Variants in MYO5B observed in about 807,000 individuals in gnomAD.
MYO5B encodes unconventional myosin-Vb.
In MYO5B, 143 loss-of-function variants were observed where a neutral mutation model predicts 229.3. That is an observed-to-expected ratio of 0.62 (90% CI 0.54 to 0.72). MYO5B has a LOEUF of 0.72. Ranked by LOEUF, MYO5B falls within the 30% of genes least tolerant of loss-of-function variation. MYO5B has a pLI of 0.00. For missense variants in MYO5B, 2,321 were observed against 2,331.0 expected (o/e 1.00, Z 0.09); for synonymous variants, 918 against 885.2 (o/e 1.04, Z -0.66).
At chr18:50,130,069 G>A (rs2032229869) in intron 1 of MYO5B, among the ~76,000 whole-genome samples, 1 of 152,138 alleles carries the variant, frequency 6.6e-6, no homozygotes, top group East Asian at 1.9e-4. Flanking sequence ...CACTGAATTA[G>A]CTCCTCAAAA....
intron 16 of MYO5B, among the ~76,000 whole-genome samples, chr18:49,936,034 G>C (rs907836368): frequency 6.6e-6 from 1 of 152,220 alleles, no homozygotes; most frequent in African/African-American, 2.4e-5. Context: ...ACTATACGGG[G>C]AACGGCATTT....
intron 17 of MYO5B, among the ~76,000 whole-genome samples, chr18:49,926,591 C>T (rs1305355802): frequency 6.6e-6 from 1 of 152,222 alleles, no homozygotes; most frequent in African/African-American, 2.4e-5. Context: ...GGTCACCAGC[C>T]ACCCTTCACC....
chr18:50,131,854 C>T (rs2032258821), intron 1 of MYO5B, among the ~76,000 whole-genome samples: 1 of 152,230 alleles, frequency 6.6e-6, no homozygotes. Context: ...ACACACTCTG[C>T]ATGAACTATG....
chr18:50,167,196 T>C (rs1425989488), intron 1 of MYO5B, among the ~76,000 whole-genome samples: 1 of 152,254 alleles, frequency 6.6e-6, no homozygotes, highest in Non-Finnish European at 1.5e-5. Flanking sequence ...TGCTGTATAT[T>C]GCAGAAGGCT....
intron 1 of MYO5B, among the ~76,000 whole-genome samples, chr18:50,115,429 C>T (rs1244111725): frequency 6.6e-6 from 1 of 152,120 alleles, no homozygotes; most frequent in East Asian, 1.9e-4. Flanking sequence ...GCAGAACTTG[C>T]ATTCCTCACT....
intron 27 of MYO5B, among the ~76,000 whole-genome samples, chr18:49,868,673 C>T (rs937340853): frequency 6.6e-6 from 1 of 152,222 alleles, no homozygotes; most frequent in Non-Finnish European, 1.5e-5. Context: ...GCCACCCTTC[C>T]TGCCCTCACC....
At chr18:50,172,433 T>C (rs905299684) in intron 1 of MYO5B, among the ~76,000 whole-genome samples, 2 of 152,164 alleles carry the variant, frequency 1.3e-5, no homozygotes, top group Middle Eastern at 3.2e-3. Flanking sequence ...TCCCAGTGTA[T>C]TCCTGATACC....
intron 1 of MYO5B, among the ~76,000 whole-genome samples, chr18:50,071,580 C>G (rs955391044): frequency 6.6e-6 from 1 of 152,208 alleles, no homozygotes; most frequent in Non-Finnish European, 1.5e-5. Context: ...GTCACCAGCT[C>G]GAGAACATCT....
intron 13 of MYO5B, among the ~76,000 whole-genome samples, chr18:49,954,079 T>C (rs2144246319): frequency 6.6e-6 from 1 of 151,328 alleles, no homozygotes; most frequent in Non-Finnish European, 1.5e-5. Flanking sequence ...TGTATTCATA[T>C]ATATATATGA....
At chr18:49,961,041 C>G (rs1052340895) in intron 12 of MYO5B, among the ~76,000 whole-genome samples, 2 of 152,150 alleles carry the variant, frequency 1.3e-5, no homozygotes, top group Admixed American at 1.3e-4. Context: ...ATGGGAATCT[C>G]AAAAGAGACT....
chr18:49,994,115 T>C (rs2025961597), intron 5 of MYO5B, among the ~76,000 whole-genome samples: 1 of 152,192 alleles, frequency 6.6e-6, no homozygotes, highest in African/African-American at 2.4e-5. Context: ...ATGTCGCTTC[T>C]TCAGGCAAGC....
At chr18:49,932,686 C>A (rs896274849) in intron 16 of MYO5B, among the ~76,000 whole-genome samples, 3 of 151,934 alleles carry the variant, frequency 2.0e-5, no homozygotes, top group Admixed American at 6.6e-5. Flanking sequence ...AACAAACAAA[C>A]AAAAAAACAA....
At chr18:50,026,350 C>T (rs959497722) in intron 4 of MYO5B, among the ~76,000 whole-genome samples, 2 of 152,208 alleles carry the variant, frequency 1.3e-5, no homozygotes, top group African/African-American at 2.4e-5. Context: ...AAACGCTATT[C>T]TGGGGCTGCT....
Position 49,952,202 on chromosome 18 carries a change from A to G in MYO5B, c.1752+1058T>C, listed in dbSNP as rs544450916. 9.9e-5 allele frequency among the ~76,000 whole-genome samples: 15 copies of G among 152,116 alleles called. No homozygotes were observed. The East Asian group carries it at 1.5e-3, about 16-fold the overall frequency. ...TTGCTGGATATATTTTCTCCATTCT[A>G]TCATCTCATCCTATTGCATTCATCT... is the stretch of plus-strand genomic sequence containing the variant. On this transcript the variant is annotated intron_variant, in intron 14 of 39. Transcript: ENST00000285039.
intron 18 of MYO5B, among the ~76,000 whole-genome samples, chr18:49,911,810 C>T (rs948562141): frequency 1.2e-4 from 18 of 152,190 alleles, no homozygotes; most frequent in Middle Eastern, 3.4e-3. Context: ...CTGGTGCCCT[C>T]GAGAGGAGCG....
intron 4 of MYO5B, among the ~76,000 whole-genome samples, chr18:50,009,874 C>T (rs1486099849): frequency 6.6e-6 from 1 of 152,166 alleles, no homozygotes; most frequent in Non-Finnish European, 1.5e-5. Flanking sequence ...GGAGGCAGGG[C>T]ACTTGTGTGA....
intron 36 of MYO5B, among the ~76,000 whole-genome samples, 179 bp downstream of exon 36, chr18:49,838,965 C>G (rs927964863): frequency 2.0e-5 from 3 of 152,202 alleles, no homozygotes; most frequent in Non-Finnish European, 4.4e-5. Flanking sequence ...GTGTCAAATA[C>G]TTTCACAGCT....
intron 20 of MYO5B, among the ~76,000 whole-genome samples, chr18:49,903,206 A>ATACT (rs2024863531): frequency 6.6e-6 from 1 of 151,916 alleles, no homozygotes; most frequent in African/African-American, 2.4e-5. Context: ...TGGAAGTGAG[A>ATACT]TACTTCAGTG....
intron 8 of MYO5B, 45 bp from the exon 9 acceptor site, chr18:49,980,598 G>A: frequency 4.3e-6 from 6 of 1,385,518 alleles, no homozygotes; most frequent in Non-Finnish European, 6.2e-6. Context: ...TCCATGGTCG[G>A]ACAGAAAGGA....
Sources: allele counts gnomAD v4.1 joint callset (sites outside exome capture counted in the v4.1 genomes callset), GRCh38; gene constraint gnomAD v4.1.1; transcripts MANE v1.5; gene names NCBI Gene and HGNC (gene_info 2026-07-23, HGNC 2026-07-21).